The following SLC35F1 variants were observed in gnomAD, a reference collection of about 807,000 sequenced individuals.
SLC35F1 encodes the protein chromosome 6 open reading frame 169.
Under a neutral mutation model 48.7 loss-of-function variants are expected in SLC35F1, and 14 were observed. The ratio of observed to expected loss-of-function variants is 0.29; its 90% confidence interval spans 0.19 to 0.45. The LOEUF is 0.45. SLC35F1 is among the 20% of genes least tolerant of loss of function. The pLI is 1.00. For missense variants in SLC35F1, 404 were observed against 500.0 expected (o/e 0.81, Z 1.83); for synonymous variants, 190 against 202.2 (o/e 0.94, Z 0.51).
At chr6:118,159,607 G>T (rs2114477536) in intron 2 of SLC35F1, among the ~76,000 whole-genome samples, 1 of 152,258 alleles carries the variant, frequency 6.6e-6, no homozygotes, top group East Asian at 1.9e-4. Context: ...CTGAAATCAG[G>T]AAGCAGAGGA....
intron 1 of SLC35F1, among the ~76,000 whole-genome samples, chr6:117,966,835 C>A (rs914241754): frequency 1.3e-5 from 2 of 152,144 alleles, no homozygotes; most frequent in Non-Finnish European, 2.9e-5. Context: ...TCTTTAAATA[C>A]CCTGTGTCCA....
At chr6:118,095,224 G>A (rs1773135300) in intron 1 of SLC35F1, among the ~76,000 whole-genome samples, 1 of 152,226 alleles carries the variant, frequency 6.6e-6, no homozygotes, top group Admixed American at 6.5e-5. Context: ...GTTAAGAGGT[G>A]GGGACAGAAG....
chr6:118,180,379 G>C (rs1188603985), intron 2 of SLC35F1, among the ~76,000 whole-genome samples: 4 of 151,948 alleles, frequency 2.6e-5, no homozygotes, highest in Non-Finnish European at 5.9e-5. Context: ...ATAAGCTACA[G>C]AAACAGACCT....
chr6:118,195,127 A>C (rs1774783990), intron 2 of SLC35F1, among the ~76,000 whole-genome samples: 1 of 152,162 alleles, frequency 6.6e-6, no homozygotes, highest in Non-Finnish European at 1.5e-5. Flanking sequence ...CTTTTAACCA[A>C]GAAGGACTTT....
intron 7 of SLC35F1, among the ~76,000 whole-genome samples, chr6:118,301,578 TATTTAG>T (rs1377372640): frequency 6.6e-6 from 1 of 152,212 alleles, no homozygotes; most frequent in African/African-American, 2.4e-5. Flanking sequence ...TTATAGCTAA[TATTTAG>T]ATTTATTTTT....
At chr6:118,101,870 C>T (rs1016126919) in intron 1 of SLC35F1, among the ~76,000 whole-genome samples, 1 of 152,164 alleles carries the variant, frequency 6.6e-6, no homozygotes, top group Admixed American at 6.5e-5. Context: ...ACTCAAGCTC[C>T]CTTTTCTCTG....
At chr6:117,979,333 A>G (rs1367204018) in intron 1 of SLC35F1, among the ~76,000 whole-genome samples, 1 of 152,162 alleles carries the variant, frequency 6.6e-6, no homozygotes, top group Non-Finnish European at 1.5e-5. Flanking sequence ...ACCCCATTGG[A>G]AGATTTTCTT....
chr6:118,190,463 G>T (rs1302498147), intron 2 of SLC35F1, among the ~76,000 whole-genome samples: 1 of 151,738 alleles, frequency 6.6e-6, no homozygotes. Context: ...ATCCCCCTTT[G>T]GTCAGGTTCT....
Position 117,959,705 on chromosome 6 carries a change from A to G in SLC35F1, c.173+51806A>G, listed in dbSNP as rs538299023. On this transcript the variant is annotated intron_variant, in intron 1 of 7. Coordinates refer to ENST00000360388, the MANE Select transcript of SLC35F1 (RefSeq NM_001029858.4). ...ATGGCATTTGAAATTCCTCCCCTCTATGTACAGTTGAAGAACAGTCTGCTG... is the reference window on the plus strand; with the variant it reads ...ATGGCATTTGAAATTCCTCCCCTCTGTGTACAGTTGAAGAACAGTCTGCTG... Among the ~76,000 whole-genome samples the G allele has an allele frequency of 5.3e-5, 8 of 152,306 alleles. No homozygotes were observed. In the South Asian group the frequency reaches 1.2e-3, roughly 24 times the overall value.
At chr6:118,273,261 G>A (rs1775881088) in intron 4 of SLC35F1, among the ~76,000 whole-genome samples, 1 of 152,144 alleles carries the variant, frequency 6.6e-6, no homozygotes, top group Non-Finnish European at 1.5e-5. Context: ...AAATATTGGT[G>A]AGACTATTCA....
At chr6:118,268,687 G>A (rs1432747804) in intron 4 of SLC35F1, among the ~76,000 whole-genome samples, 4 of 138,166 alleles carry the variant, frequency 2.9e-5, no homozygotes, top group Admixed American at 8.1e-5. Flanking sequence ...TCAGCTCACT[G>A]CAACCTCCAC....
At chr6:118,184,648 C>T (rs1189461078) in intron 2 of SLC35F1, among the ~76,000 whole-genome samples, 1 of 152,146 alleles carries the variant, frequency 6.6e-6, no homozygotes, top group Non-Finnish European at 1.5e-5. Flanking sequence ...TCTGTCTTCA[C>T]ACACACAAAA....
At chr6:117,923,720 T>TATACATCTATGTACATATACAC (rs1582564729) in intron 1 of SLC35F1, among the ~76,000 whole-genome samples, 1 of 5,876 alleles carries the variant, frequency 1.7e-4, no homozygotes, top group Non-Finnish European at 3.2e-4. Flanking sequence ...CATATATACA[T>TATACATCTATGTACATATACAC]ATATACATAT....
chr6:117,977,266 G>A lies in SLC35F1; in HGVS notation c.173+69367G>A, dbSNP rs552165975. On this transcript the variant is annotated intron_variant, in intron 1 of 7. Transcript: ENST00000360388. ...GGCTGGAGTGCAATGGTGCGATCTC[G>A]GCCCACTGCAACCTCTGCCTCCCGG... Among the ~76,000 whole-genome samples the A allele has an allele frequency of 2.0e-5, 3 of 149,692 alleles. No individual in the cohort carries two copies. The South Asian group carries it at 6.3e-4, about 31-fold the overall frequency.
chr6:118,138,410 AC>A (rs1486832899), intron 1 of SLC35F1, among the ~76,000 whole-genome samples: 1 of 152,022 alleles, frequency 6.6e-6, no homozygotes, highest in Admixed American at 6.6e-5. Context: ...ATAAACTAAA[AC>A]CTAGTCTCTT....
At chr6:117,911,775 A>G (rs1175771035) in intron 1 of SLC35F1, among the ~76,000 whole-genome samples, 1 of 152,036 alleles carries the variant, frequency 6.6e-6, no homozygotes. Context: ...GGTATAGTAT[A>G]TATTACCCTG....
chr6:118,124,737 G>T (rs1773599918), intron 1 of SLC35F1, among the ~76,000 whole-genome samples: 1 of 152,032 alleles, frequency 6.6e-6, no homozygotes, highest in South Asian at 2.1e-4. Context: ...TTTTGGGTAG[G>T]ACTCAAGTGC....
At chr6:118,190,917 T>C (rs1774724809) in intron 2 of SLC35F1, among the ~76,000 whole-genome samples, 1 of 152,228 alleles carries the variant, frequency 6.6e-6, no homozygotes, top group African/African-American at 2.4e-5. Context: ...GCACAGATAC[T>C]TTCCTGTTTC....
At chr6:117,964,871 C>T (rs761325440) in intron 1 of SLC35F1, among the ~76,000 whole-genome samples, 11 of 152,110 alleles carry the variant, frequency 7.2e-5, no homozygotes, top group Non-Finnish European at 1.3e-4. Context: ...GGAGGTCAGT[C>T]GCAAATTCAT....
Sources: allele counts gnomAD v4.1 joint callset (sites outside exome capture counted in the v4.1 genomes callset), GRCh38; gene constraint gnomAD v4.1.1; transcripts MANE v1.5; gene names NCBI Gene and HGNC (gene_info 2026-07-23, HGNC 2026-07-21).